Variants in UGT1A9 observed in about 807,000 individuals in gnomAD.
UGT1A9 encodes UDP glucuronosyltransferase family 1 member A9.
UGT1A9 carries 35 observed loss-of-function variants against 45.0 expected under a neutral mutation model. The observed-to-expected ratio is 0.78, with a 90% confidence interval of 0.59 to 1.03. UGT1A9 has a LOEUF of 1.03. Ranked by LOEUF, UGT1A9 falls within the 50% of genes least tolerant of loss-of-function variation. UGT1A9 has a pLI of 0.00. For missense variants in UGT1A9, 687 were observed against 666.6 expected (o/e 1.03, Z -0.34); for synonymous variants, 278 against 250.6 (o/e 1.11, Z -1.03).
intron 1 of UGT1A9, chr2:233,730,140 A>G (rs1239984500): frequency 2.3e-5 from 35 of 1,523,880 alleles, no homozygotes; most frequent in Non-Finnish European, 2.7e-5. Flanking sequence ...TCAGTGAGAT[A>G]AACTGTTAAG....
chr2:233,771,170 G>A (rs1309098130), intron 4 of UGT1A9: 1 of 152,100 alleles, frequency 6.6e-6, no homozygotes, highest in African/African-American at 2.4e-5. Flanking sequence ...CCAGCACTGG[G>A]GATTACAATT....
intron 1 of UGT1A9, chr2:233,729,152 T>G: frequency 1.2e-6 from 2 of 1,613,556 alleles, no homozygotes. Context: ...CAGGTTCCCC[T>G]GCCGTGGCTG....
At chr2:233,690,756 GACAT>G (rs574129066) in intron 1 of UGT1A9, 1,028 of 1,081,026 alleles carry the variant, frequency 9.5e-4, no homozygotes, top group South Asian at 5.0e-3. Flanking sequence ...GTCCAGTGCA[GACAT>G]ACACACACAC....
At chr2:233,747,075 A>G in intron 1 of UGT1A9, 1 of 1,060,426 alleles carries the variant, frequency 9.4e-7, no homozygotes. Flanking sequence ...GTAATAATTA[A>G]CTAGGAGGAG....
intron 1 of UGT1A9, chr2:233,729,744 A>G: frequency 1.2e-6 from 2 of 1,613,946 alleles, no homozygotes; most frequent in South Asian, 2.2e-5. Context: ...ACCACATGAC[A>G]TTCATGCAAA....
chr2:233,748,318 C>T (rs1693914102), intron 1 of UGT1A9, among the ~76,000 whole-genome samples: 1 of 151,718 alleles, frequency 6.6e-6, no homozygotes, highest in African/African-American at 2.4e-5. Context: ...TGGACTAGGA[C>T]TGATGTGACT....
chr2:233,707,844 T>G lies in UGT1A9; in HGVS notation c.855+35055T>G, dbSNP rs544627573. Among the ~76,000 whole-genome samples, 5 of 152,318 alleles carry G rather than the reference T, an allele frequency of 3.3e-5. No individual in the cohort carries two copies. In the South Asian group the frequency reaches 6.2e-4, roughly 19 times the overall value. ...TCATTAATTTAATAAGATGTAACTA[T>G]TTTTCAGAGTGGTTGTACATATCCC... On this transcript the variant is annotated intron_variant, in intron 1 of 4. Transcript: ENST00000354728.
chr2:233,698,201 C>T (rs1027505391), intron 1 of UGT1A9, among the ~76,000 whole-genome samples: 2 of 152,102 alleles, frequency 1.3e-5, no homozygotes, highest in Non-Finnish European at 2.9e-5. Flanking sequence ...TATCAACATG[C>T]ACTTTTAATT....
At chr2:233,704,344 G>A (rs192964510) in intron 1 of UGT1A9, among the ~76,000 whole-genome samples, 3 of 135,994 alleles carry the variant, frequency 2.2e-5, no homozygotes, top group Non-Finnish European at 4.6e-5. Context: ...TTAAAAAGTT[G>A]TGTTCTGAGC....
intron 1 of UGT1A9, chr2:233,761,265 GC>G: frequency 2.5e-6 from 4 of 1,595,896 alleles, no homozygotes; most frequent in Non-Finnish European, 3.4e-6. Context: ...AATTTAAAAT[GC>G]CCTCTTTTGT....
Position 233,773,095 on chromosome 2 carries a change from A to C in UGT1A9, c.*536A>C. On this transcript the variant is annotated 3_prime_UTR_variant, in exon 5 of 5. Coordinates refer to ENST00000354728, the MANE Select transcript of UGT1A9 (RefSeq NM_021027.3). ...ATGAATGGCTTGGAGTGCACTGAGA[A>C]CAGCATATGATTTCTTGCTTTGGGG... 6.3e-6 allele frequency: 1 copy of C among 159,994 alleles called. No individual in the cohort carries two copies. Among genetic ancestry groups the C allele is most frequent in the Non-Finnish European group, 1.4e-5 (1 of 71,916 alleles). The allele number at this position is 159,994 out of a possible 1,614,324, so 9.9% of individuals were successfully genotyped here. A position where few individuals can be genotyped will look rare whatever the true frequency, so the allele number is the denominator to read the frequency against.
intron 1 of UGT1A9, among the ~76,000 whole-genome samples, chr2:233,730,968 A>T (rs552248982): frequency 2.6e-5 from 4 of 152,134 alleles, no homozygotes; most frequent in East Asian, 1.9e-4. Context: ...GTACTCTGGG[A>T]CCTGAATATT....
intron 1 of UGT1A9, among the ~76,000 whole-genome samples, chr2:233,749,862 T>G (rs1409437282): frequency 1.3e-5 from 2 of 151,992 alleles, no homozygotes; most frequent in Non-Finnish European, 2.9e-5. Flanking sequence ...TCTCACTTTC[T>G]GCCAGGATTA....
intron 3 of UGT1A9, 28 bp downstream of exon 3, chr2:233,767,964 T>C: frequency 6.2e-7 from 1 of 1,614,138 alleles, no homozygotes; most frequent in Non-Finnish European, 8.5e-7. Context: ...GATGTATAGG[T>C]CAAACCAGGG....
chr2:233,680,972 TGGAGGCAG>T (rs2074504500), intron 1 of UGT1A9, among the ~76,000 whole-genome samples: 1 of 151,994 alleles, frequency 6.6e-6, no homozygotes, highest in Admixed American at 6.6e-5. Context: ...GAAGGGTCCA[TGGAGGCAG>T]GGTTGTCAAT....
At chr2:233,764,706 G>C (rs1698626413) in intron 1 of UGT1A9, among the ~76,000 whole-genome samples, 1 of 152,180 alleles carries the variant, frequency 6.6e-6, no homozygotes, top group Non-Finnish European at 1.5e-5. Context: ...AATGAGCTGT[G>C]TCTCCCCAAG....
chr2:233,749,412 T>C lies in UGT1A9; in HGVS notation c.856-17622T>C, dbSNP rs1409999979. 3.9e-5 allele frequency among the ~76,000 whole-genome samples: 6 copies of C among 151,952 alleles called. No individual in the cohort carries two copies. The East Asian group carries it at 1.2e-3, about 29-fold the overall frequency. On this transcript the variant is annotated intron_variant, in intron 1 of 4. Transcript: ENST00000354728. ...TGTGAACATATTCTCTAGTGTTAACTACATTGCTCAAAACTTCACTGTCAT... is the reference window on the plus strand; with the variant it reads ...TGTGAACATATTCTCTAGTGTTAACCACATTGCTCAAAACTTCACTGTCAT...
intron 1 of UGT1A9, among the ~76,000 whole-genome samples, chr2:233,684,106 A>C (rs1213286130): frequency 6.6e-6 from 1 of 152,136 alleles, no homozygotes; most frequent in African/African-American, 2.4e-5. Context: ...ATTTTTATCT[A>C]TTGTTCTGGC....
chr2:233,724,363 C>G (rs1212893783), intron 1 of UGT1A9, among the ~76,000 whole-genome samples: 1 of 136,850 alleles, frequency 7.3e-6, no homozygotes. Context: ...CCCTCCCGGA[C>G]GGGGTGGCTG....
Sources: gnomAD v4.1 joint callset for allele counts (sites outside exome capture counted in the v4.1 genomes callset) on GRCh38, gnomAD v4.1.1 for gene constraint, MANE v1.5 for transcripts, NCBI Gene and HGNC (gene_info 2026-07-23, HGNC 2026-07-21) for gene names.